Variants in SLC51B observed in about 807,000 individuals in gnomAD.
SLC51B encodes SLC51 subunit beta.
SLC51B carries 6 observed loss-of-function variants against 8.0 expected under a neutral mutation model. That is an observed-to-expected ratio of 0.75 (90% confidence interval 0.41 to 1.48). The LOEUF is 1.48. Ranked by LOEUF, SLC51B falls within the 40% of genes most tolerant of loss-of-function variation. The pLI, the probability that SLC51B is intolerant of heterozygous loss-of-function variation, is 0.01. For missense variants in SLC51B, 150 were observed against 149.7 expected (o/e 1.00, Z -0.01); for synonymous variants, 61 against 54.8 (o/e 1.11, Z -0.50).
chr15:65,045,947 C>A (rs895367522), intron 1 of SLC51B, among the ~76,000 whole-genome samples: 4 of 152,222 alleles, frequency 2.6e-5, no homozygotes, highest in Non-Finnish European at 4.4e-5. Flanking sequence ...AGGCCGATCA[C>A]CTGAGGTCAG....
chr15:65,052,886 A>G lies in SLC51B; in HGVS notation c.189-80A>G, dbSNP rs2086673288. 4 of 1,344,796 alleles carry G rather than the reference A, an allele frequency of 3.0e-6. No individual in the cohort carries two copies. In the Admixed American group the frequency reaches 6.2e-5, roughly 21 times the overall value. The allele number at this position is 1,344,796 out of a possible 1,614,324, so 83.3% of individuals were successfully genotyped here. ...ACTGCATAGAGAATTTTCCCCTTAG[A>G]CTCTTTAAGCCATTTGGGCGACCCA... On this transcript the variant is annotated intron_variant, in intron 3 of 3. Transcript: ENST00000334287.
At chr15:65,052,897 C>T in intron 3 of SLC51B, 69 bp from the exon 4 acceptor site, 1 of 1,481,024 alleles carries the variant, frequency 6.8e-7, no homozygotes, top group Non-Finnish European at 9.3e-7. Context: ...CTCTTTAAGC[C>T]ATTTGGGCGA....
chr15:65,052,799 T>C (rs2140510308), intron 3 of SLC51B, among the ~76,000 whole-genome samples, 167 bp from the exon 4 acceptor site: 1 of 152,234 alleles, frequency 6.6e-6, no homozygotes, highest in South Asian at 2.1e-4. Flanking sequence ...CACTCAAGGG[T>C]AAGCCATTTC....
Position 65,053,393 on chromosome 15 carries a change from T to C in SLC51B, c.*229T>C. On this transcript the variant is annotated 3_prime_UTR_variant, in exon 4 of 4. Transcript: ENST00000334287. The stretch of plus-strand genomic sequence containing the variant: ...TGCTCCTGGAAGGGAGCAGGTGGTA[T>C]TGCATAGTTTGTTCAGATGGCAGTG... 7.4e-7 allele frequency: 1 copy of C among 1,352,566 alleles called. No homozygotes were observed. The highest frequency in any genetic ancestry group is 1.6e-5 in the South Asian group (1 of 61,556). The allele number at this position is 1,352,566 out of a possible 1,614,324, so 83.8% of individuals were successfully genotyped here. A position where few individuals can be genotyped will look rare whatever the true frequency, so the allele number is the denominator to read the frequency against.
chr15:65,050,203 G>C, intron 2 of SLC51B, 102 bp downstream of exon 2: 1 of 904,544 alleles, frequency 1.1e-6, no homozygotes, highest in Non-Finnish European at 1.7e-6. Context: ...CAGGTCAGGC[G>C]GTACATTTCC....
chr15:65,050,833 C>CT (rs67418433), intron 2 of SLC51B, among the ~76,000 whole-genome samples: 26,404 of 87,996 alleles, frequency 0.3, 5,131 homozygotes, highest in East Asian at 0.64. Context: ...TCTTCTTCTT[C>CT]TTCTTTTTTT....
intron 2 of SLC51B, 139 bp from the exon 3 acceptor site, chr15:65,051,376 G>C (rs905911683): frequency 1.4e-6 from 1 of 731,820 alleles, no homozygotes; most frequent in African/African-American, 1.7e-5. Flanking sequence ...CCAGGGCAAG[G>C]GGCCCATCTT....
At chr15:65,052,758 G>A (rs916915147) in intron 3 of SLC51B, among the ~76,000 whole-genome samples, 2 of 152,122 alleles carry the variant, frequency 1.3e-5, no homozygotes, top group Non-Finnish European at 2.9e-5. Flanking sequence ...TGAGCTCACA[G>A]GTGACAGTAA....
rs2086678980 is a variant in SLC51B at position 65,053,205 on chromosome 15, T to C, written c.*41T>C. On this transcript the variant is annotated 3_prime_UTR_variant, in exon 4 of 4. Coordinates refer to ENST00000334287, the MANE Select transcript of SLC51B (RefSeq NM_178859.4). Reference sequence around the variant, plus strand: ...GCCCCATCCTAAGCCAGACACATGATGTGGGCTCAGCTCAGTGGCCTGAAA... The same window carrying C: ...GCCCCATCCTAAGCCAGACACATGACGTGGGCTCAGCTCAGTGGCCTGAAA... The C allele has an allele frequency of 1.2e-6, 2 of 1,608,520 alleles. No individual in the cohort carries two copies. The highest frequency in any genetic ancestry group is 1.3e-5 in the African/African-American group (1 of 74,800).
chr15:65,046,655 G>A (rs188707463), intron 1 of SLC51B, among the ~76,000 whole-genome samples: 198 of 152,292 alleles, frequency 1.3e-3, no homozygotes, highest in African/African-American at 4.5e-3. Context: ...GCTCATGCCT[G>A]TAATCCCAGC....
At chr15:65,046,885 C>G (rs1164321330) in intron 1 of SLC51B, among the ~76,000 whole-genome samples, 1 of 151,910 alleles carries the variant, frequency 6.6e-6, no homozygotes, top group Non-Finnish European at 1.5e-5. Context: ...TGCACTCCAG[C>G]CTGGGTGACA....
chr15:65,049,946 G>T lies in SLC51B; in HGVS notation c.-59G>T, dbSNP rs923608490. On this transcript the variant is annotated 5_prime_UTR_variant, in exon 2 of 4. In the 5' UTR this introduces an upstream ATG that the reference lacks. Transcript: ENST00000334287. Reference sequence around the variant, plus strand: ...GGGGCCAGAACCGAGGAGGCCAGGAGGGCTGCTGGGGCTAAGGGGTCTAAG... The same window carrying T: ...GGGGCCAGAACCGAGGAGGCCAGGATGGCTGCTGGGGCTAAGGGGTCTAAG... 1.4e-6 allele frequency: 2 copies of T among 1,386,064 alleles called. No individual in the cohort carries two copies. The highest frequency in any genetic ancestry group is 2.6e-5 in the East Asian group (1 of 38,826). The allele number at this position is 1,386,064 out of a possible 1,614,324, so 85.9% of individuals were successfully genotyped here. A position where few individuals can be genotyped will look rare whatever the true frequency, so the allele number is the denominator to read the frequency against.
At chr15:65,049,003 C>A (rs919917905) in intron 1 of SLC51B, among the ~76,000 whole-genome samples, 1 of 131,668 alleles carries the variant, frequency 7.6e-6, no homozygotes, top group African/African-American at 2.9e-5. Flanking sequence ...GAGTGAGACT[C>A]CGTCTCAAAA....
At chr15:65,046,492 C>T (rs1341168955) in intron 1 of SLC51B, among the ~76,000 whole-genome samples, 1 of 151,848 alleles carries the variant, frequency 6.6e-6, no homozygotes, top group South Asian at 2.1e-4. Flanking sequence ...AGAAATATGT[C>T]GCTTGTTTCT....
At chr15:65,051,421 T>A in intron 2 of SLC51B, 94 bp from the exon 3 acceptor site, 2 of 1,188,364 alleles carry the variant, frequency 1.7e-6, no homozygotes, top group Admixed American at 3.5e-5. Flanking sequence ...CAGTTGATGC[T>A]GTAAGCTGGG....
intron 3 of SLC51B, 101 bp downstream of exon 3, chr15:65,051,706 G>T: frequency 9.3e-7 from 1 of 1,070,416 alleles, no homozygotes; most frequent in South Asian, 1.3e-5. Flanking sequence ...GGTCATTGCT[G>T]TCCACCCTTT....
intron 3 of SLC51B, 121 bp downstream of exon 3, chr15:65,051,726 AAAT>A: frequency 2.4e-6 from 2 of 819,622 alleles, no homozygotes; most frequent in South Asian, 1.6e-5. Context: ...TGGGACAGCA[AAAT>A]TCAGCCTTCA....
intron 1 of SLC51B, among the ~76,000 whole-genome samples, chr15:65,045,997 C>G (rs2140501804): frequency 6.6e-6 from 1 of 152,298 alleles, no homozygotes; most frequent in African/African-American, 2.4e-5. Flanking sequence ...GAAACCCCAT[C>G]TCTACTAAAA....
chr15:65,046,992 C>T (rs1330159748), intron 1 of SLC51B, among the ~76,000 whole-genome samples: 2 of 152,096 alleles, frequency 1.3e-5, no homozygotes, highest in Non-Finnish European at 2.9e-5. Flanking sequence ...CTGATTAGTT[C>T]CATTAATTAA....
Sources: allele counts gnomAD v4.1 joint callset (sites outside exome capture counted in the v4.1 genomes callset), GRCh38; gene constraint gnomAD v4.1.1; transcripts MANE v1.5; gene names NCBI Gene and HGNC (gene_info 2026-07-23, HGNC 2026-07-21).